Variants in ARSG observed in about 807,000 individuals in gnomAD.
ARSG encodes ASG.
ARSG carries 37 observed loss-of-function variants against 50.5 expected under a neutral mutation model. The observed-to-expected ratio is 0.73, with a 90% CI of 0.56 to 0.96. ARSG has a LOEUF of 0.96. Ranked by LOEUF, ARSG falls within the 50% of genes least tolerant of loss-of-function variation. ARSG has a pLI of 0.00. For missense variants in ARSG, 629 were observed against 675.3 expected (o/e 0.93, Z 0.76); for synonymous variants, 225 against 254.6 (o/e 0.88, Z 1.11).
chr17:68,327,713 A>C (rs1451573643), intron 2 of ARSG, among the ~76,000 whole-genome samples: 1 of 152,170 alleles, frequency 6.6e-6, no homozygotes, highest in African/African-American at 2.4e-5. Flanking sequence ...TCAGGACTTC[A>C]ACATATCTTT....
chr17:68,313,614 T>G (rs1481944792), intron 2 of ARSG, among the ~76,000 whole-genome samples: 8 of 152,094 alleles, frequency 5.3e-5, no homozygotes, highest in Non-Finnish European at 7.4e-5. Flanking sequence ...GGTTCTGGAT[T>G]GATATGAAAT....
chr17:68,372,711 G>A (rs184412055), intron 8 of ARSG, among the ~76,000 whole-genome samples: 1 of 152,116 alleles, frequency 6.6e-6, no homozygotes, highest in Non-Finnish European at 1.5e-5. Context: ...ACCGTATCAG[G>A]CTGTTTTCCC....
rs2077619733 is a variant in ARSG at position 68,329,098 on chromosome 17, C to G, written c.219-14506C>G. ...AGTGCTGCTGCGGGTGTAGCCGGGT[C>G]AGGGAGACCTCCCCAGGAGGTGAAA... On this transcript the variant is annotated intron_variant, in intron 2 of 11. Transcript: ENST00000621439. Among the ~76,000 whole-genome samples the G allele has an allele frequency of 3.9e-5, 6 of 152,170 alleles. 1 individual carries two copies. The highest frequency in any genetic ancestry group is 3.9e-4 in the Admixed American group (6 of 15,280).
chr17:68,309,604 C>T (rs1555765923), intron 2 of ARSG, among the ~76,000 whole-genome samples: 2 of 152,148 alleles, frequency 1.3e-5, no homozygotes, highest in Non-Finnish European at 2.9e-5. Flanking sequence ...GTGGCTCACG[C>T]CTGTAGCACT....
intron 10 of ARSG, chr17:68,400,338 A>T (rs749484261): frequency 2.0e-5 from 3 of 152,136 alleles, no homozygotes; most frequent in Non-Finnish European, 2.9e-5. Flanking sequence ...TTGTGACCTG[A>T]TGAGGAAAGA....
At chr17:68,372,480 G>A (rs1295147764) in intron 8 of ARSG, among the ~76,000 whole-genome samples, 1 of 152,168 alleles carries the variant, frequency 6.6e-6, no homozygotes, top group Non-Finnish European at 1.5e-5. Flanking sequence ...GAAGGCGAAG[G>A]GGAAGCGTGT....
chr17:68,325,874 G>A (rs1425384216), intron 2 of ARSG, among the ~76,000 whole-genome samples: 2 of 152,188 alleles, frequency 1.3e-5, no homozygotes, highest in African/African-American at 2.4e-5. Flanking sequence ...TTGGCTCATG[G>A]GTCATGGGCC....
chr17:68,260,077 G>A (rs1163216389), intron 1 of ARSG, among the ~76,000 whole-genome samples: 2 of 152,008 alleles, frequency 1.3e-5, no homozygotes, highest in East Asian at 3.8e-4. Flanking sequence ...TTACCCTCCC[G>A]TCTTCATTTT....
Position 68,270,199 on chromosome 17 carries a change from T to C in ARSG, c.-552+10773T>C, listed in dbSNP as rs782098213. Reference sequence around the variant, plus strand: ...TAGTTCTATCATTCCAAAAGTCAGGTGGGCTCTGAAGGTGATAAATCCATG... The same window carrying C: ...TAGTTCTATCATTCCAAAAGTCAGGCGGGCTCTGAAGGTGATAAATCCATG... On this transcript the variant is annotated intron_variant, in intron 1 of 11. Transcript: ENST00000448504. Among the ~76,000 whole-genome samples the C allele has an allele frequency of 6.6e-5, 10 of 152,066 alleles. 1 individual carries two copies. The highest frequency in any genetic ancestry group is 1.0e-4 in the Non-Finnish European group (7 of 68,018).
chr17:68,345,826 A>G, intron 3 of ARSG, among the ~76,000 whole-genome samples: 1 of 152,172 alleles, frequency 6.6e-6, no homozygotes, highest in Non-Finnish European at 1.5e-5. Context: ...TCATGTTCTC[A>G]TGTAATGTTT....
chr17:68,343,579 C>A, intron 2 of ARSG, 25 bp from the exon 3 acceptor site: 1 of 1,587,900 alleles, frequency 6.3e-7, no homozygotes, highest in South Asian at 1.1e-5. Flanking sequence ...TTGGTGCGGT[C>A]CTGACCACTG....
intron 2 of ARSG, among the ~76,000 whole-genome samples, chr17:68,309,873 AAAAT>A: frequency 6.6e-6 from 1 of 151,954 alleles, no homozygotes; most frequent in Admixed American, 6.5e-5. Context: ...AAAAATAAAT[AAAAT>A]AAAAAAGTAA....
intron 11 of ARSG, among the ~76,000 whole-genome samples, chr17:68,412,111 TC>T (rs1293511141): frequency 6.6e-6 from 1 of 152,248 alleles, no homozygotes; most frequent in Admixed American, 6.5e-5. Context: ...GAGCATTTAG[TC>T]CATTTACATT....
intron 6 of ARSG, among the ~76,000 whole-genome samples, chr17:68,365,470 G>A (rs2079503798): frequency 6.6e-6 from 1 of 152,178 alleles, no homozygotes; most frequent in Non-Finnish European, 1.5e-5. Flanking sequence ...AACAAATCTG[G>A]AGGTTTGGAT....
chr17:68,426,238 C>CGTTT, downstream of ARSG: 1 of 615,200 alleles, frequency 1.6e-6, no homozygotes, highest in Non-Finnish European at 2.3e-6. Flanking sequence ...CATGACCTGG[C>CGTTT]GGGTGGGGAG....
intron 6 of ARSG, among the ~76,000 whole-genome samples, chr17:68,366,569 G>A (rs548782997): frequency 2.0e-5 from 3 of 152,050 alleles, no homozygotes; most frequent in Non-Finnish European, 4.4e-5. Context: ...ATTGCTGTAC[G>A]AAAAAACTAG....
intron 6 of ARSG, among the ~76,000 whole-genome samples, chr17:68,364,209 TCTTA>T (rs774896388): frequency 2.6e-5 from 4 of 152,120 alleles, no homozygotes; most frequent in Non-Finnish European, 4.4e-5. Context: ...CCCTCTGTCA[TCTTA>T]CTTGTTTTTT....
intron 2 of ARSG, among the ~76,000 whole-genome samples, chr17:68,330,591 G>A (rs997039661): frequency 3.9e-5 from 6 of 152,102 alleles, no homozygotes; most frequent in African/African-American, 2.4e-5. Context: ...CAGGGTGGGG[G>A]GTGCTATTTA....
intron 1 of ARSG, among the ~76,000 whole-genome samples, chr17:68,303,919 T>C (rs1555762931): frequency 1.3e-5 from 2 of 152,252 alleles, no homozygotes; most frequent in African/African-American, 4.8e-5. Context: ...AATAATGCAG[T>C]GGTCTGCTGG....
Sources: allele counts gnomAD v4.1 joint callset (sites outside exome capture counted in the v4.1 genomes callset), GRCh38; gene constraint gnomAD v4.1.1; transcripts MANE v1.5; gene names NCBI Gene and HGNC (gene_info 2026-07-23, HGNC 2026-07-21).